The following FRMD3 variants were observed in gnomAD, a reference collection of about 807,000 sequenced individuals.
FRMD3 encodes the protein FERM domain containing 3, also known as FERM domain-containing protein 3.
A neutral mutation model predicts 70.2 loss-of-function variants in FRMD3; 33 were observed. The observed-to-expected ratio is 0.47, with a 90% CI of 0.36 to 0.63. The LOEUF (loss-of-function observed/expected upper bound fraction) is 0.63, where lower values mean the gene tolerates loss of function less well. FRMD3 is among the 20% of genes least tolerant of loss of function. The probability of loss-of-function intolerance (pLI) is 0.00; values close to 1 mark genes in which losing one functional copy is unlikely to be tolerated. For missense variants in FRMD3, 632 were observed against 711.4 expected (o/e 0.89, Z 1.27); for synonymous variants, 279 against 255.9 (o/e 1.09, Z -0.86).
chr9:83,531,315 T>C (rs1829787105), intron 1 of FRMD3, among the ~76,000 whole-genome samples: 1 of 152,244 alleles, frequency 6.6e-6, no homozygotes, highest in Non-Finnish European at 1.5e-5. Flanking sequence ...AAAAGAATTC[T>C]AGCTGATACA....
the FRMD3 span, among the ~76,000 whole-genome samples, chr9:83,552,621 T>A: frequency 6.6e-6 from 1 of 152,164 alleles, no homozygotes; most frequent in Non-Finnish European, 1.5e-5. Context: ...TAGGTTTCTA[T>A]GAACTTGCTT....
At chr9:83,570,216 T>C in the FRMD3 span, among the ~76,000 whole-genome samples, 1 of 152,160 alleles carries the variant, frequency 6.6e-6, no homozygotes, top group Non-Finnish European at 1.5e-5. Flanking sequence ...AGGTATCTGA[T>C]TACCTTGCTG....
the FRMD3 span, among the ~76,000 whole-genome samples, chr9:83,549,020 A>G: frequency 6.6e-6 from 1 of 151,888 alleles, no homozygotes; most frequent in Non-Finnish European, 1.5e-5. Flanking sequence ...ATGTGTCATG[A>G]GGGTTTGTTG....
At chr9:83,418,985 G>C (rs1826540221) in intron 1 of FRMD3, among the ~76,000 whole-genome samples, 1 of 152,190 alleles carries the variant, frequency 6.6e-6, no homozygotes, top group African/African-American at 2.4e-5. Flanking sequence ...GTCTTTTGCA[G>C]CAACTTGGAT....
At chr9:83,357,642 T>G (rs976805811) in intron 3 of FRMD3, among the ~76,000 whole-genome samples, 4 of 152,118 alleles carry the variant, frequency 2.6e-5, no homozygotes, top group East Asian at 1.9e-4. Flanking sequence ...CGTATCACAT[T>G]GTGGTTTTTA....
chr9:83,372,427 G>T (rs951289227), intron 3 of FRMD3, among the ~76,000 whole-genome samples: 3 of 150,238 alleles, frequency 2.0e-5, no homozygotes, highest in Non-Finnish European at 4.4e-5. Context: ...TTGCCTAGAA[G>T]AAAAAATTGT....
At chr9:83,358,672 GTATTTATTTATT>G (rs34830442) in intron 3 of FRMD3, among the ~76,000 whole-genome samples, 46 of 143,022 alleles carry the variant, frequency 3.2e-4, no homozygotes, top group Admixed American at 7.7e-4. Flanking sequence ...ATATTCTTAA[GTATTTATTTATT>G]TATTTATTTA....
the FRMD3 span, among the ~76,000 whole-genome samples, chr9:83,573,738 TTCTCTCTC>T: frequency 0.15 from 21,326 of 146,174 alleles, 1,875 homozygotes; most frequent in Non-Finnish European, 0.19. Flanking sequence ...AAAAGAACGA[TTCTCTCTC>T]TCTCTCTCTC....
chr9:83,412,975 C>A (rs1247240392), intron 1 of FRMD3, among the ~76,000 whole-genome samples: 2 of 150,936 alleles, frequency 1.3e-5, no homozygotes, highest in Admixed American at 6.6e-5. Flanking sequence ...GCCTGGGCAA[C>A]AGAGTGAGAC....
At chr9:83,555,108 C>A in the FRMD3 span, among the ~76,000 whole-genome samples, 15 of 152,144 alleles carry the variant, frequency 9.9e-5, no homozygotes, top group Non-Finnish European at 1.9e-4. Flanking sequence ...GAGATTAGGA[C>A]CCACTTAAAA....
At chr9:83,488,574 A>T (rs1392322723) in intron 1 of FRMD3, among the ~76,000 whole-genome samples, 2 of 152,202 alleles carry the variant, frequency 1.3e-5, no homozygotes, top group Admixed American at 1.3e-4. Flanking sequence ...ATCAGATGCC[A>T]ATACTTCCAC....
chr9:83,252,017 G>C (rs1169153001), intron 13 of FRMD3, among the ~76,000 whole-genome samples: 1 of 152,086 alleles, frequency 6.6e-6, no homozygotes, highest in Non-Finnish European at 1.5e-5. Context: ...CTCAGGAAAT[G>C]CAGAGAACCC....
At chr9:83,385,533 T>C (rs1208729160) in intron 2 of FRMD3, among the ~76,000 whole-genome samples, 2 of 152,188 alleles carry the variant, frequency 1.3e-5, no homozygotes, top group Non-Finnish European at 1.5e-5. Flanking sequence ...TTGCCAAACA[T>C]ATGGTGTTCC....
intron 13 of FRMD3, among the ~76,000 whole-genome samples, chr9:83,280,699 T>C (rs1193076576): frequency 1.3e-5 from 2 of 152,336 alleles, no homozygotes; most frequent in African/African-American, 2.4e-5. Flanking sequence ...TGCATATTTA[T>C]TTATAAATTA....
At chr9:83,401,301 T>C (rs1462644794) in intron 1 of FRMD3, among the ~76,000 whole-genome samples, 2 of 152,218 alleles carry the variant, frequency 1.3e-5, no homozygotes, top group Non-Finnish European at 2.9e-5. Context: ...ACTAGAATTA[T>C]TAACCGTTAG....
intron 2 of FRMD3, among the ~76,000 whole-genome samples, chr9:83,375,080 G>C (rs927251103): frequency 1.4e-4 from 21 of 152,090 alleles, no homozygotes; most frequent in Admixed American, 3.3e-4. Context: ...CTGACTCCAG[G>C]GGTGACAAGT....
the FRMD3 span, among the ~76,000 whole-genome samples, chr9:83,554,124 G>T: frequency 6.6e-6 from 1 of 152,186 alleles, no homozygotes; most frequent in African/African-American, 2.4e-5. Context: ...GGGTATATTT[G>T]TGAGGTATTT....
In FRMD3 at chr9:83,247,942, G is replaced by A. The variant is rs772805442; in HGVS notation, c.1770C>T (p.Ile590=). ...KEWVAGKVHL[I]LYMLGCS is the part of the protein sequence containing the mutation. ...TTCATGAGCAACCCAGCATGTAGAG[G>A]ATGAGGTGGACTTTCCCAGCCACCC... The change falls in exon 14 of 14, where the codon ATC becomes ATT. Residue 590 remains isoleucine, a synonymous_variant. Coordinates refer to ENST00000304195, the MANE Select transcript of FRMD3 (RefSeq NM_174938.6). 1 of 1,614,154 alleles carries A rather than the reference G, an allele frequency of 6.2e-7. No individual in the cohort carries two copies.
At chr9:83,454,982 A>G (rs1827777477) in intron 1 of FRMD3, among the ~76,000 whole-genome samples, 3 of 152,358 alleles carry the variant, frequency 2.0e-5, no homozygotes, top group South Asian at 2.1e-4. Context: ...AATAAAAACA[A>G]TACAAGCTAA....
Sources: allele counts gnomAD v4.1 joint callset (sites outside exome capture counted in the v4.1 genomes callset), GRCh38; gene constraint gnomAD v4.1.1; transcripts MANE v1.5; gene names NCBI Gene and HGNC (gene_info 2026-07-23, HGNC 2026-07-21).